The following LRIF1 variants were observed in gnomAD, a reference collection of about 807,000 sequenced individuals.
LRIF1 encodes ligand dependent nuclear receptor interacting factor 1.
Under a neutral mutation model 52.7 loss-of-function variants are expected in LRIF1, and 32 were observed. That is an observed-to-expected ratio of 0.61 (90% CI 0.46 to 0.82). LRIF1 has a LOEUF of 0.82. LRIF1 is among the 40% of genes least tolerant of loss of function. The pLI is 0.00. For synonymous variants in LRIF1, 323 were observed against 317.4 expected (o/e 1.02, Z -0.19); for missense variants, 887 against 892.0 (o/e 0.99, Z 0.07).
the LRIF1 span, among the ~76,000 whole-genome samples, chr1:110,909,879 C>T: frequency 1.3e-5 from 2 of 152,064 alleles, no homozygotes; most frequent in Admixed American, 1.3e-4. Context: ...CTGCGCCCAG[C>T]TGGGGTAGCT....
the LRIF1 span, among the ~76,000 whole-genome samples, chr1:110,886,865 A>ATTTTT: frequency 1.0e-3 from 45 of 44,356 alleles, no homozygotes; most frequent in South Asian, 2.6e-3. Context: ...ATATATATAT[A>ATTTTT]TATATTTTTT....
At chr1:110,900,759 A>C in the LRIF1 span, among the ~76,000 whole-genome samples, 2 of 151,148 alleles carry the variant, frequency 1.3e-5, no homozygotes, top group Admixed American at 1.3e-4. Context: ...TCAAAAAAAA[A>C]AAAAAACAAA....
At chr1:110,884,554 A>G in the LRIF1 span, among the ~76,000 whole-genome samples, 1 of 152,124 alleles carries the variant, frequency 6.6e-6, no homozygotes, top group African/African-American at 2.4e-5. Context: ...TGAGAGAAGG[A>G]TATTGAACTA....
Position 110,951,315 on chromosome 1 carries a change from C to T in LRIF1, c.1569G>A (p.Gln523=), listed in dbSNP as rs752757419. Residue 523 remains glutamine, a synonymous_variant, in exon 2 of 4, where the codon CAG becomes CAA. Coordinates refer to ENST00000369763, the MANE Select transcript of LRIF1 (RefSeq NM_018372.4). ...SVDATTVTSQ[Q]CVFRDQEPKI... ...TTGGTTCTTGGTCTCTGAAAACACA[C>T]TGTTGTGAAGTAACAGTTGTTGCAT... is the stretch of plus-strand genomic sequence containing the variant. The T allele has an allele frequency of 1.9e-5, 31 of 1,613,384 alleles. No homozygotes were observed. The South Asian group carries it at 3.1e-4, about 16-fold the overall frequency.
At chr1:110,939,003 C>G in the LRIF1 span, 1 of 151,956 alleles carries the variant, frequency 6.6e-6, no homozygotes, top group Non-Finnish European at 1.5e-5. Context: ...AGTGAAAGAC[C>G]TCTATAATAA....
the LRIF1 span, among the ~76,000 whole-genome samples, chr1:110,897,505 G>A: frequency 1.3e-5 from 2 of 152,182 alleles, no homozygotes; most frequent in African/African-American, 4.8e-5. Context: ...AGCACTGAGT[G>A]TTCAAAGACA....
chr1:110,914,805 T>G, the LRIF1 span, among the ~76,000 whole-genome samples: 1 of 152,104 alleles, frequency 6.6e-6, no homozygotes, highest in Non-Finnish European at 1.5e-5. Flanking sequence ...GATATATAAA[T>G]AATACAGATC....
chr1:110,881,235 C>T, the LRIF1 span, among the ~76,000 whole-genome samples: 48 of 152,220 alleles, frequency 3.2e-4, no homozygotes, highest in African/African-American at 1.1e-3. Context: ...CTTCCCTGCT[C>T]CCTCTCTACT....
chr1:110,949,949 A>T lies in LRIF1; in HGVS notation c.1771T>A (p.Leu591Met), dbSNP rs181635077. 6.2e-7 allele frequency: 1 copy of T among 1,614,136 alleles called. No homozygotes were observed. Among genetic ancestry groups the T allele is most frequent in the East Asian group, 2.2e-5 (1 of 44,866 alleles). Reference protein sequence around the residue: ...RVCLTRIPDHLTSGEGFDSFS... With the variant: ...RVCLTRIPDHMTSGEGFDSFS... ...GAATCGAAACCTTCTCCAGAGGTCA[A>T]ATGGTCAGGAATTCGAGTAAGGCAC... The change falls in exon 3 of 4, where the codon TTG becomes ATG. Residue 591 changes from leucine to methionine, a missense_variant. Physicochemically the swap from Leu to Met is conservative, Grantham distance 15. Transcript: ENST00000369763.
In LRIF1 at chr1:110,963,871, G is replaced by C. The variant is rs1659072666; in HGVS notation, c.-183C>G. On this transcript the variant is annotated 5_prime_UTR_variant, in exon 1 of 4. Transcript: ENST00000369763. ...CGAGAGGGTGTATCCCCAGGCTTCG[G>C]GACGAGGTCGCGCACCGCGCAGAAA... 4.2e-6 allele frequency: 2 copies of C among 475,008 alleles called. No individual in the cohort carries two copies. The highest frequency in any genetic ancestry group is 2.8e-5 in the South Asian group (1 of 36,240). 29.4% of individuals were successfully genotyped at this position (475,008 alleles called of 1,614,324 possible).
chr1:110,880,042 A>G, the LRIF1 span, among the ~76,000 whole-genome samples: 1 of 152,206 alleles, frequency 6.6e-6, no homozygotes, highest in Non-Finnish European at 1.5e-5. Context: ...AGCAAAGTTG[A>G]TCCCTAACCT....
the LRIF1 span, among the ~76,000 whole-genome samples, chr1:110,920,029 C>T: frequency 6.6e-6 from 1 of 152,090 alleles, no homozygotes; most frequent in Non-Finnish European, 1.5e-5. Flanking sequence ...TGGCCCAAAT[C>T]CAAAATGCAG....
the LRIF1 span, among the ~76,000 whole-genome samples, chr1:110,924,000 G>T: frequency 6.6e-6 from 1 of 152,036 alleles, no homozygotes; most frequent in African/African-American, 2.4e-5. Flanking sequence ...GATTGTTGTA[G>T]ATAAAAAGGA....
chr1:110,953,544 G>A (rs911573270), intron 1 of LRIF1, among the ~76,000 whole-genome samples: 1 of 152,106 alleles, frequency 6.6e-6, no homozygotes, highest in African/African-American at 2.4e-5. Flanking sequence ...GGAACAGACT[G>A]GAAATCAATT....
Position 110,959,290 on chromosome 1 carries a change from G to A in LRIF1, c.68+4331C>T, listed in dbSNP as rs571047027. Among the ~76,000 whole-genome samples the A allele has an allele frequency of 1.4e-4, 22 of 152,312 alleles. 2 individuals are homozygous for A. Among genetic ancestry groups the A allele is most frequent in the African/African-American group, 4.3e-4 (18 of 41,576 alleles). On this transcript the variant is annotated intron_variant, in intron 1 of 3. Coordinates refer to ENST00000369763, the MANE Select transcript of LRIF1 (RefSeq NM_018372.4). ...TATAATTACAAGTTGACTAGAAAATGTACTTATCCTCTTTGAATCTGTTTC... is the reference window on the plus strand; with the variant it reads ...TATAATTACAAGTTGACTAGAAAATATACTTATCCTCTTTGAATCTGTTTC...
chr1:110,952,602 T>C lies in LRIF1; in HGVS notation c.282A>G (p.Gln94=), dbSNP rs750351537. 1.2e-6 allele frequency: 2 copies of C among 1,614,024 alleles called. No individual in the cohort carries two copies. The highest frequency in any genetic ancestry group is 2.2e-5 in the East Asian group (1 of 44,876). ...ISSSSTSASV[Q]LPIFQPASSS... ...AACTGGCTGGCTGAAAAATGGGCAA[T>C]TGAACTGATGCACTTGTGGAAGAGC... is the stretch of plus-strand genomic sequence containing the variant. The change falls in exon 2 of 4, where the codon CAA becomes CAG. Residue 94 remains glutamine, a synonymous_variant. Transcript: ENST00000369763.
At chr1:110,924,330 A>G in the LRIF1 span, among the ~76,000 whole-genome samples, 58 of 152,300 alleles carry the variant, frequency 3.8e-4, no homozygotes, top group African/African-American at 1.3e-3. Context: ...ACTCCAGACT[A>G]AAAAAAGAGA....
the LRIF1 span, chr1:110,892,292 G>A: frequency 7.9e-7 from 1 of 1,258,232 alleles, no homozygotes; most frequent in Non-Finnish European, 1.2e-6. Flanking sequence ...AATATGAGGA[G>A]ATACCCAAGA....
rs1192702217 is a variant in LRIF1 at position 110,947,902 on chromosome 1, T to C, written c.*57A>G. 13 of 1,519,400 alleles carry C rather than the reference T, an allele frequency of 8.6e-6. No individual in the cohort carries two copies. The highest frequency in any genetic ancestry group is 1.1e-5 in the Non-Finnish European group (13 of 1,139,208). 94.1% of individuals were successfully genotyped at this position (1,519,400 alleles called of 1,614,324 possible). ...CAGAACACACCTACAATTAACTTAT[T>C]AATGCTGAAGTATATTTTAAAAAAC... On this transcript the variant is annotated 3_prime_UTR_variant, in exon 4 of 4. Coordinates refer to ENST00000369763, the MANE Select transcript of LRIF1 (RefSeq NM_018372.4).
Sources: gnomAD v4.1 joint callset for allele counts (sites outside exome capture counted in the v4.1 genomes callset) on GRCh38, gnomAD v4.1.1 for gene constraint, MANE v1.5 for transcripts, NCBI Gene and HGNC (gene_info 2026-07-23, HGNC 2026-07-21) for gene names.